PDE1A: variants seen among roughly 807,000 people sequenced by gnomAD.
The protein encoded by PDE1A is dual specificity calcium/calmodulin-dependent 3',5'-cyclic nucleotide phosphodiesterase 1A.
Under a neutral mutation model 61.7 loss-of-function variants are expected in PDE1A, and 35 were observed. The ratio of observed to expected loss-of-function variants is 0.57; its 90% CI spans 0.43 to 0.75. The LOEUF (loss-of-function observed/expected upper bound fraction) is 0.75, where lower values mean the gene tolerates loss of function less well. Among genes scored for constraint, PDE1A ranks in the 30% least tolerant of loss-of-function variants. PDE1A has a pLI of 0.00. For missense variants in PDE1A, 597 were observed against 630.6 expected, an observed-to-expected ratio of 0.95 and a Z score of 0.57; for synonymous variants, 232 against 213.2, an observed-to-expected ratio of 1.09 and a Z score of -0.77.
chr2:182,490,992 G>C (rs1477166881), intron 2 of PDE1A, among the ~76,000 whole-genome samples: 1 of 152,150 alleles, frequency 6.6e-6, no homozygotes, highest in Non-Finnish European at 1.5e-5. Flanking sequence ...TCTGAGGTTT[G>C]AGGAGGCAGG....
In PDE1A at chr2:182,417,790, C is replaced by T. The variant is rs564834272; in HGVS notation, c.53+8788G>A. ...GACAGCTTGTAGGAATACATCAAAC[C>T]TTTCTACCCCCAGAGTTAACGAATC... On this transcript the variant is annotated intron_variant, in intron 1 of 13. Transcript: ENST00000351439. Among the ~76,000 whole-genome samples the T allele has an allele frequency of 2.0e-5, 3 of 152,192 alleles. No individual in the cohort carries two copies. In the South Asian group the frequency reaches 6.2e-4, roughly 32 times the overall value.
chr2:182,597,281 T>C, the PDE1A span, among the ~76,000 whole-genome samples: 6 of 152,168 alleles, frequency 3.9e-5, no homozygotes, highest in African/African-American at 1.4e-4. Context: ...CTGAGGAATT[T>C]TAATTCATGG....
chr2:182,203,389 T>G (rs1289143549), intron 8 of PDE1A, among the ~76,000 whole-genome samples: 2 of 152,202 alleles, frequency 1.3e-5, no homozygotes, highest in Non-Finnish European at 2.9e-5. Flanking sequence ...ACATTTCTAT[T>G]GAATTTTTAG....
intron 3 of PDE1A, among the ~76,000 whole-genome samples, chr2:182,239,880 C>T (rs1057393643): frequency 1.3e-5 from 2 of 152,178 alleles, no homozygotes; most frequent in Non-Finnish European, 2.9e-5. Context: ...AAAATCTTTG[C>T]TTTCAGTCTT....
At chr2:182,392,354 C>T (rs76415030) in intron 1 of PDE1A, among the ~76,000 whole-genome samples, 4 of 152,126 alleles carry the variant, frequency 2.6e-5, no homozygotes, top group Non-Finnish European at 2.9e-5. Context: ...AAGAACAGCA[C>T]GTGAAAAATC....
chr2:182,516,747 G>A lies in PDE1A; in HGVS notation c.101+5529C>T, dbSNP rs1328514386. ...AAGGAAGGAAGGAAGGAAGGAAAAAGAGAGAAAGAAAGAAAAAGAAAGAAA... is the reference window on the plus strand; with the variant it reads ...AAGGAAGGAAGGAAGGAAGGAAAAAAAGAGAAAGAAAGAAAAAGAAAGAAA... On this transcript the variant is annotated intron_variant, in intron 2 of 14. Coordinates refer to the PDE1A transcript ENST00000410103. 9.3e-5 allele frequency among the ~76,000 whole-genome samples: 7 copies of A among 75,516 alleles called. No individual in the cohort carries two copies. In the East Asian group the frequency reaches 1.6e-3, roughly 17 times the overall value. The allele number at this position is 75,516 out of a possible 152,430, so 49.5% of individuals were successfully genotyped here. A position where few individuals can be genotyped will look rare whatever the true frequency, so the allele number is the denominator to read the frequency against.
At chr2:182,574,495 C>T in the PDE1A span, among the ~76,000 whole-genome samples, 1 of 152,114 alleles carries the variant, frequency 6.6e-6, no homozygotes, top group African/African-American at 2.4e-5. Context: ...CTTTGTACAA[C>T]CAGAAACGCA....
intron 1 of PDE1A, among the ~76,000 whole-genome samples, chr2:182,332,989 T>C (rs1697523406): frequency 6.6e-6 from 1 of 152,152 alleles, no homozygotes. Flanking sequence ...AAGAAGGGCA[T>C]TACATAATGG....
chr2:182,708,271 G>A, the PDE1A span, among the ~76,000 whole-genome samples: 244 of 151,974 alleles, frequency 1.6e-3, 1 homozygote, highest in South Asian at 5.7e-3. Flanking sequence ...CCCACAACAC[G>A]TGGGAATTTT....
intron 1 of PDE1A, among the ~76,000 whole-genome samples, chr2:182,389,959 G>A (rs904724497): frequency 1.3e-5 from 2 of 152,140 alleles, no homozygotes. Flanking sequence ...GGCGGTTTGC[G>A]AGGGGCTCTT....
Position 182,365,750 on chromosome 2 carries a change from T to C in PDE1A, c.53+60828A>G, listed in dbSNP as rs141467111. On this transcript the variant is annotated intron_variant, in intron 1 of 13. Transcript: ENST00000351439. The stretch of plus-strand genomic sequence containing the variant: ...CTGACCCATCCCAGAATTCTTTTGA[T>C]TGAACATATGCTAAAAATCTCTACT... Among the ~76,000 whole-genome samples the C allele has an allele frequency of 6.4e-3, 974 of 152,156 alleles. 10 individuals are homozygous for C. The highest frequency in any genetic ancestry group is 0.019 in the African/African-American group (783 of 41,564).
At chr2:182,191,246 C>T (rs1036793736) in intron 10 of PDE1A, among the ~76,000 whole-genome samples, 9 of 151,708 alleles carry the variant, frequency 5.9e-5, no homozygotes, top group South Asian at 2.1e-4. Flanking sequence ...GCTTCCAGTG[C>T]GAATGGAAAG....
chr2:182,387,931 C>T (rs995076614), intron 1 of PDE1A, among the ~76,000 whole-genome samples: 2 of 152,076 alleles, frequency 1.3e-5, no homozygotes, highest in Admixed American at 1.3e-4. Context: ...GTATATGCTG[C>T]CTACCGCATA....
chr2:182,323,112 C>T (rs1696807705), intron 1 of PDE1A, among the ~76,000 whole-genome samples: 1 of 152,070 alleles, frequency 6.6e-6, no homozygotes, highest in African/African-American at 2.4e-5. Context: ...ACCTTATGAG[C>T]TTGAACAAAT....
chr2:182,489,688 T>C (rs1688257391), intron 2 of PDE1A, among the ~76,000 whole-genome samples: 1 of 152,054 alleles, frequency 6.6e-6, no homozygotes, highest in African/African-American at 2.4e-5. Flanking sequence ...CAGAATGGAG[T>C]TGTCATTGAC....
At chr2:182,433,293 C>G (rs16823236) in intron 2 of PDE1A, among the ~76,000 whole-genome samples, 7,331 of 152,182 alleles carry the variant, frequency 0.048, 206 homozygotes, top group Middle Eastern at 0.078. Flanking sequence ...TTCAACCAAA[C>G]CTGCTCCTCC....
intron 1 of PDE1A, among the ~76,000 whole-genome samples, chr2:182,361,901 T>G (rs900317352): frequency 6.6e-6 from 1 of 152,048 alleles, no homozygotes; most frequent in African/African-American, 2.4e-5. Flanking sequence ...AACTGCCAAG[T>G]TCTTTGATTG....
intron 2 of PDE1A, among the ~76,000 whole-genome samples, chr2:182,260,939 G>A (rs759972416): frequency 5.9e-5 from 9 of 152,164 alleles, no homozygotes; most frequent in Non-Finnish European, 1.2e-4. Context: ...CTTCCCTTTG[G>A]TAAGCTATGT....
At chr2:182,638,106 T>C in the PDE1A span, among the ~76,000 whole-genome samples, 2 of 152,208 alleles carry the variant, frequency 1.3e-5, no homozygotes, top group Non-Finnish European at 2.9e-5. Context: ...TTAATAATAT[T>C]GTACAAATAT....
Sources: allele counts gnomAD v4.1 joint callset (sites outside exome capture counted in the v4.1 genomes callset), GRCh38; gene constraint gnomAD v4.1.1; transcripts MANE v1.5; gene names NCBI Gene and HGNC (gene_info 2026-07-23, HGNC 2026-07-21).